TRDN: variants seen among roughly 807,000 people sequenced by gnomAD.
TRDN encodes the protein triadin in skeletal muscle.
In TRDN, 161 loss-of-function variants were observed where a neutral mutation model predicts 149.7. That is an observed-to-expected ratio of 1.08 (90% confidence interval 0.95 to 1.23). TRDN has a LOEUF of 1.23. Ranked by LOEUF, TRDN falls within the 50% of genes most tolerant of loss-of-function variation. The pLI is 0.00. For synonymous variants in TRDN, 294 were observed against 250.5 expected (o/e 1.17, Z -1.64); for missense variants, 896 against 823.5 (o/e 1.09, Z -1.08).
chr6:123,373,072 A>C (rs930085341), intron 19 of TRDN, among the ~76,000 whole-genome samples: 1 of 152,144 alleles, frequency 6.6e-6, no homozygotes, highest in Non-Finnish European at 1.5e-5. Context: ...TCGCACCAGT[A>C]ATCTGAAAGG....
intron 1 of TRDN, among the ~76,000 whole-genome samples, chr6:123,587,296 C>A (rs574487977): frequency 6.6e-4 from 100 of 152,180 alleles, no homozygotes; most frequent in African/African-American, 2.3e-3. Context: ...CCATGACTGG[C>A]GCCAGAGTTT....
chr6:123,235,674 C>T (rs1034859783), intron 38 of TRDN, among the ~76,000 whole-genome samples: 1 of 152,010 alleles, frequency 6.6e-6, no homozygotes, highest in East Asian at 1.9e-4. Context: ...GTGACTACAA[C>T]CAAAATCACC....
chr6:123,330,715 T>C (rs567825403), intron 23 of TRDN, among the ~76,000 whole-genome samples: 19 of 152,234 alleles, frequency 1.2e-4, no homozygotes, highest in Non-Finnish European at 2.5e-4. Context: ...ATAACAATTA[T>C]GTTTATTTTA....
intron 38 of TRDN, among the ~76,000 whole-genome samples, chr6:123,246,097 G>A (rs181263958): frequency 3.2e-4 from 48 of 152,196 alleles, no homozygotes; most frequent in Middle Eastern, 6.8e-3. Flanking sequence ...AGTGTTTAGA[G>A]GGAAATTTAT....
At chr6:123,381,431 A>G (rs1312867697) in intron 15 of TRDN, 41 bp from the exon 16 acceptor site, 4 of 1,535,786 alleles carry the variant, frequency 2.6e-6, no homozygotes, top group Middle Eastern at 1.7e-4. Context: ...TTAAAACTTT[A>G]AAGATAAAAC....
At chr6:123,504,834 C>T (rs1176325346) in intron 7 of TRDN, among the ~76,000 whole-genome samples, 1 of 152,094 alleles carries the variant, frequency 6.6e-6, no homozygotes, top group African/African-American at 2.4e-5. Flanking sequence ...ATTGGACATT[C>T]CTTTTTGTAT....
At chr6:123,509,160 ATATG>A (rs1779057045) in intron 7 of TRDN, among the ~76,000 whole-genome samples, 2 of 151,914 alleles carry the variant, frequency 1.3e-5, no homozygotes, top group Non-Finnish European at 2.9e-5. Flanking sequence ...ACACACATAT[ATATG>A]TATGTTTGTG....
chr6:123,240,791 T>G (rs1582762607), intron 38 of TRDN, among the ~76,000 whole-genome samples: 2 of 151,954 alleles, frequency 1.3e-5, no homozygotes, highest in African/African-American at 4.8e-5. Context: ...GTGATAAAAT[T>G]GATTAATTTA....
chr6:123,374,709 G>C (rs1254867974), intron 19 of TRDN, among the ~76,000 whole-genome samples: 1 of 151,960 alleles, frequency 6.6e-6, no homozygotes, highest in East Asian at 1.9e-4. Flanking sequence ...CCAGGAGGCG[G>C]AGGTGCAGTG....
rs558397958 is a variant in TRDN, at chr6:123,503,497, C to T, written c.793+222G>A. 9 of 984,636 alleles carry T rather than the reference C, an allele frequency of 9.1e-6. No homozygotes were observed. The Admixed American group carries it at 4.9e-4, about 54-fold the overall frequency. 61.0% of individuals were successfully genotyped at this position (984,636 alleles called of 1,614,324 possible). A position where few individuals can be genotyped will look rare whatever the true frequency, so the allele number is the denominator to read the frequency against. On this transcript the variant is annotated intron_variant, in intron 8 of 40. Transcript: ENST00000334268. ...TACCTCCAAACCCCTTTTAAAAATA[C>T]TTCAAAATGCCCCTTTAGATCTGTG... is the stretch of plus-strand genomic sequence containing the variant.
At chr6:123,591,454 C>G (rs1422149642) in intron 1 of TRDN, among the ~76,000 whole-genome samples, 1 of 152,126 alleles carries the variant, frequency 6.6e-6, no homozygotes, top group African/African-American at 2.4e-5. Context: ...CCATGTTGGC[C>G]AGGCTGGTCT....
intron 1 of TRDN, among the ~76,000 whole-genome samples, chr6:123,595,375 A>G (rs142517842): frequency 1.7e-3 from 252 of 152,244 alleles, no homozygotes; most frequent in African/African-American, 5.6e-3. Flanking sequence ...ATCTAAAGCA[A>G]GCTCTTGGTA....
At chr6:123,515,262 A>G (rs947145053) in intron 6 of TRDN, among the ~76,000 whole-genome samples, 1 of 152,030 alleles carries the variant, frequency 6.6e-6, no homozygotes, top group African/African-American at 2.4e-5. Context: ...GGAAGGAGAA[A>G]AATAATTCAT....
chr6:123,391,342 T>G (rs1028367639), intron 13 of TRDN, among the ~76,000 whole-genome samples: 3 of 152,162 alleles, frequency 2.0e-5, no homozygotes, highest in African/African-American at 7.2e-5. Context: ...AATTACCCAG[T>G]TTCCAAAGCT....
At chr6:123,270,791 T>C (rs1562239606) in intron 30 of TRDN, among the ~76,000 whole-genome samples, 1 of 152,024 alleles carries the variant, frequency 6.6e-6, no homozygotes, top group East Asian at 1.9e-4. Flanking sequence ...TTCAGACTTC[T>C]GTAATTTTAA....
At chr6:123,578,987 T>G (rs1199018391) in intron 1 of TRDN, among the ~76,000 whole-genome samples, 1 of 152,180 alleles carries the variant, frequency 6.6e-6, no homozygotes, top group Admixed American at 6.6e-5. Context: ...TACTGATTTT[T>G]GTACATTACT....
At chr6:123,557,926 C>G (rs570273061) in intron 2 of TRDN, among the ~76,000 whole-genome samples, 2 of 152,132 alleles carry the variant, frequency 1.3e-5, no homozygotes, top group South Asian at 2.1e-4. Context: ...TTCTCAAAGA[C>G]CTCTTCAACT....
chr6:123,591,143 T>A (rs1783760463), intron 1 of TRDN, among the ~76,000 whole-genome samples: 1 of 152,194 alleles, frequency 6.6e-6, no homozygotes, highest in African/African-American at 2.4e-5. Flanking sequence ...TATTTTTCTC[T>A]CTCATATAGT....
chr6:123,219,588 G>A (rs1469101085), intron 40 of TRDN, among the ~76,000 whole-genome samples: 8 of 151,962 alleles, frequency 5.3e-5, no homozygotes, highest in Admixed American at 2.6e-4. Flanking sequence ...GTAGAATAAA[G>A]CAAAGGATAG....
Sources: gnomAD v4.1 joint callset for allele counts (sites outside exome capture counted in the v4.1 genomes callset) on GRCh38, gnomAD v4.1.1 for gene constraint, MANE v1.5 for transcripts, NCBI Gene and HGNC (gene_info 2026-07-23, HGNC 2026-07-21) for gene names.